OSBPL10: variants seen among roughly 807,000 people sequenced by gnomAD.
The protein encoded by OSBPL10 is oxysterol binding protein like 10, also known as oxysterol-binding protein-related protein 10.
OSBPL10 carries 49 observed loss-of-function variants against 81.7 expected under a neutral mutation model. That is an observed-to-expected ratio of 0.60 (90% CI 0.48 to 0.76). OSBPL10 has a LOEUF of 0.76. Among genes scored for constraint, OSBPL10 ranks in the 30% least tolerant of loss-of-function variants. OSBPL10 has a pLI of 0.00. For synonymous variants in OSBPL10, 419 were observed against 383.6 expected, an observed-to-expected ratio of 1.09 and a Z score of -1.08; for missense variants, 923 against 987.8, an observed-to-expected ratio of 0.93 and a Z score of 0.88.
intron 1 of OSBPL10, among the ~76,000 whole-genome samples, chr3:31,905,774 TATCC>T (rs1696392515): frequency 6.6e-6 from 1 of 151,316 alleles, no homozygotes; most frequent in African/African-American, 2.4e-5. Context: ...TGTCTTGAAA[TATCC>T]ATCATACCAC....
chr3:31,943,431 A>G (rs1043886433), intron 1 of OSBPL10, among the ~76,000 whole-genome samples: 2 of 152,206 alleles, frequency 1.3e-5, no homozygotes, highest in Non-Finnish European at 2.9e-5. Flanking sequence ...AGTACATTCA[A>G]TAGTTTTAAA....
chr3:32,002,174 G>T (rs535236511), intron 2 of OSBPL10, among the ~76,000 whole-genome samples: 1 of 151,936 alleles, frequency 6.6e-6, no homozygotes, highest in Non-Finnish European at 1.5e-5. Context: ...TCATTTACTC[G>T]CCCATTCAAC....
intron 1 of OSBPL10, among the ~76,000 whole-genome samples, chr3:31,954,674 C>T (rs190751193): frequency 6.6e-6 from 1 of 152,200 alleles, no homozygotes; most frequent in African/African-American, 2.4e-5. Flanking sequence ...TGTTCTATGC[C>T]TTGACAGAGG....
At chr3:31,933,307 A>G (rs1697299632) in intron 1 of OSBPL10, among the ~76,000 whole-genome samples, 1 of 152,168 alleles carries the variant, frequency 6.6e-6, no homozygotes, top group African/African-American at 2.4e-5. Flanking sequence ...TGAGGAGGTT[A>G]GACTCATTTG....
At chr3:31,821,328 T>G (rs1559480037) in intron 4 of OSBPL10, among the ~76,000 whole-genome samples, 1 of 152,114 alleles carries the variant, frequency 6.6e-6, no homozygotes. Flanking sequence ...ACCACACAAA[T>G]GTTTGTTTCA....
At chr3:31,934,117 G>C (rs1419637371) in intron 1 of OSBPL10, among the ~76,000 whole-genome samples, 2 of 149,202 alleles carry the variant, frequency 1.3e-5, no homozygotes, top group Non-Finnish European at 3.0e-5. Context: ...CATATATAAA[G>C]TGCTTTGGTA....
At chr3:31,708,558 C>T (rs1422032324) in intron 6 of OSBPL10, among the ~76,000 whole-genome samples, 1 of 152,172 alleles carries the variant, frequency 6.6e-6, no homozygotes, top group Non-Finnish European at 1.5e-5. Flanking sequence ...TTTCACTTGG[C>T]CTTCTTGTAC....
At chr3:32,047,848 G>A (rs1156491733) in intron 1 of OSBPL10, among the ~76,000 whole-genome samples, 1 of 151,966 alleles carries the variant, frequency 6.6e-6, no homozygotes, top group Non-Finnish European at 1.5e-5. Flanking sequence ...ATTGTTTTTA[G>A]TAGAGATGGG....
At chr3:31,731,429 GTTCTTC>G (rs1165664769) in intron 6 of OSBPL10, among the ~76,000 whole-genome samples, 1 of 151,716 alleles carries the variant, frequency 6.6e-6, no homozygotes, top group Non-Finnish European at 1.5e-5. Flanking sequence ...GCTCTGGCTA[GTTCTTC>G]TTCTTCAGGA....
At chr3:31,922,680 T>C (rs1696953038) in intron 1 of OSBPL10, among the ~76,000 whole-genome samples, 1 of 152,132 alleles carries the variant, frequency 6.6e-6, no homozygotes, top group South Asian at 2.1e-4. Flanking sequence ...TATTAATTTT[T>C]TTTAAAAAAC....
intron 1 of OSBPL10, among the ~76,000 whole-genome samples, chr3:31,930,491 T>C (rs1575041474): frequency 6.6e-6 from 1 of 152,180 alleles, no homozygotes; most frequent in African/African-American, 2.4e-5. Context: ...TAGGTGCACA[T>C]GCGAGAAAGT....
intron 4 of OSBPL10, among the ~76,000 whole-genome samples, chr3:31,751,861 T>C (rs1271406413): frequency 1.3e-5 from 2 of 152,146 alleles, no homozygotes; most frequent in Non-Finnish European, 2.9e-5. Context: ...CCAAAAGAAG[T>C]TGAATGAACC....
At chr3:31,736,355 T>G (rs28667164) in intron 5 of OSBPL10, among the ~76,000 whole-genome samples, 63,910 of 152,076 alleles carry the variant, frequency 0.42, 13,969 homozygotes, top group East Asian at 0.71. Flanking sequence ...CAGCACTTCA[T>G]GTTATTTTTT....
At chr3:31,973,539 TTAAA>T (rs1358108571) in intron 1 of OSBPL10, among the ~76,000 whole-genome samples, 1 of 151,492 alleles carries the variant, frequency 6.6e-6, no homozygotes, top group Non-Finnish European at 1.5e-5. Context: ...GCCCAAAGAG[TTAAA>T]TAACTTGCCC....
At chr3:31,666,282 A>G (rs973935915) in intron 10 of OSBPL10, among the ~76,000 whole-genome samples, 24 of 152,266 alleles carry the variant, frequency 1.6e-4, no homozygotes, top group African/African-American at 5.3e-4. Flanking sequence ...GGGCCTTGTG[A>G]GCAGACTTAC....
At chr3:31,722,677 G>A (rs1696683225) in intron 6 of OSBPL10, among the ~76,000 whole-genome samples, 1 of 151,914 alleles carries the variant, frequency 6.6e-6, no homozygotes, top group African/African-American at 2.4e-5. Context: ...TATATTTAAA[G>A]TCAGAATTAC....
intron 1 of OSBPL10, among the ~76,000 whole-genome samples, chr3:31,893,787 C>T (rs56221938): frequency 0.29 from 44,753 of 151,968 alleles, 8,664 homozygotes; most frequent in African/African-American, 0.55. Context: ...TTATATAAAA[C>T]GTCCAGCAAA....
chr3:31,949,739 C>T (rs1697816423), intron 1 of OSBPL10, among the ~76,000 whole-genome samples: 1 of 144,622 alleles, frequency 6.9e-6, no homozygotes, highest in South Asian at 2.2e-4. Context: ...GACACAAGTC[C>T]AGACAGATTA....
At chr3:32,076,538 C>T (rs1699879260) in intron 1 of OSBPL10, among the ~76,000 whole-genome samples, 1 of 152,120 alleles carries the variant, frequency 6.6e-6, no homozygotes, top group Non-Finnish European at 1.5e-5. Context: ...GAAAGGGGAT[C>T]CTTTCCCTGT....
Sources: gnomAD v4.1 joint callset for allele counts (sites outside exome capture counted in the v4.1 genomes callset) on GRCh38, gnomAD v4.1.1 for gene constraint, MANE v1.5 for transcripts, NCBI Gene and HGNC (gene_info 2026-07-23, HGNC 2026-07-21) for gene names.